Variants in CCDC102B observed in about 807,000 individuals in gnomAD.
CCDC102B encodes coiled-coil domain-containing protein 102B.
CCDC102B carries 75 observed loss-of-function variants against 57.4 expected under a neutral mutation model. The ratio of observed to expected loss-of-function variants is 1.31; its 90% CI spans 1.08 to 1.58. The LOEUF (loss-of-function observed/expected upper bound fraction) is 1.58, where lower values mean the gene tolerates loss of function less well. Ranked by LOEUF, CCDC102B falls within the 40% of genes most tolerant of loss-of-function variation. The pLI is 0.00. For missense variants in CCDC102B, 636 were observed against 582.6 expected, an observed-to-expected ratio of 1.09 and a Z score of -0.94; for synonymous variants, 206 against 201.9, an observed-to-expected ratio of 1.02 and a Z score of -0.17.
intron 6 of CCDC102B, among the ~76,000 whole-genome samples, chr18:69,003,971 T>C (rs891869742): frequency 6.6e-6 from 1 of 152,186 alleles, no homozygotes; most frequent in African/African-American, 2.4e-5. Flanking sequence ...TCTTTTAGGC[T>C]TCTAATTATA....
chr18:69,031,234 ATTGTAGTCC>A (rs962092790), intron 7 of CCDC102B, among the ~76,000 whole-genome samples: 3 of 152,148 alleles, frequency 2.0e-5, no homozygotes, highest in African/African-American at 7.2e-5. Flanking sequence ...TCTTCTGAGC[ATTGTAGTCC>A]TTTTTAGTGA....
At chr18:68,796,081 T>G (rs1427227222), upstream of CCDC102B, among the ~76,000 whole-genome samples, 1 of 152,128 alleles carries the variant, frequency 6.6e-6, no homozygotes, top group Admixed American at 6.6e-5. Flanking sequence ...GGACTTCAAG[T>G]GCATAAGTAC....
chr18:68,826,508 T>TA, intron 1 of CCDC102B, among the ~76,000 whole-genome samples: 1 of 152,314 alleles, frequency 6.6e-6, no homozygotes, highest in Middle Eastern at 3.4e-3. Context: ...AGTCGCATCT[T>TA]ACCACTTTTA....
At chr18:68,910,930 A>AAAAAAC (rs1313530569) in intron 6 of CCDC102B, among the ~76,000 whole-genome samples, 5 of 151,822 alleles carry the variant, frequency 3.3e-5, no homozygotes, top group African/African-American at 1.2e-4. Flanking sequence ...GGGGAAAAAA[A>AAAAAAC]AAAAACAGAT....
chr18:68,788,948 G>C (rs958644716), intron 2 of CCDC102B, among the ~76,000 whole-genome samples: 24 of 152,334 alleles, frequency 1.6e-4, no homozygotes, highest in African/African-American at 5.5e-4. Flanking sequence ...ATTTTGGCAT[G>C]ATTTTGCAGC....
At chr18:68,949,899 A>G (rs919077461) in intron 6 of CCDC102B, among the ~76,000 whole-genome samples, 2 of 152,186 alleles carry the variant, frequency 1.3e-5, no homozygotes, top group African/African-American at 4.8e-5. Flanking sequence ...CATGTTTTAT[A>G]TTAAATACTA....
chr18:68,833,283 C>T (rs1260088418), intron 1 of CCDC102B, among the ~76,000 whole-genome samples: 1 of 151,812 alleles, frequency 6.6e-6, no homozygotes, highest in Non-Finnish European at 1.5e-5. Flanking sequence ...ATAGTACTGA[C>T]TATTCCACTG....
At chr18:68,880,453 G>A (rs1209037906) in intron 5 of CCDC102B, among the ~76,000 whole-genome samples, 2 of 152,346 alleles carry the variant, frequency 1.3e-5, no homozygotes, top group Admixed American at 1.3e-4. Context: ...ACAGTGCAGC[G>A]GTGGGCTGAA....
chr18:68,769,076 A>G (rs968201865), intron 2 of CCDC102B, among the ~76,000 whole-genome samples: 2 of 152,058 alleles, frequency 1.3e-5, no homozygotes, highest in Admixed American at 6.6e-5. Flanking sequence ...CAACATGGAG[A>G]AACCCCATCT....
chr18:69,033,847 TA>T (rs1042775882), intron 7 of CCDC102B, among the ~76,000 whole-genome samples: 10 of 152,100 alleles, frequency 6.6e-5, no homozygotes, highest in Non-Finnish European at 1.5e-5. Flanking sequence ...TTCACATTCT[TA>T]CCAAAATTTG....
At chr18:68,749,407 A>T (rs1046482768) in intron 2 of CCDC102B, among the ~76,000 whole-genome samples, 1 of 152,150 alleles carries the variant, frequency 6.6e-6, no homozygotes, top group African/African-American at 2.4e-5. Context: ...CCTATCCATG[A>T]GCATGGAATG....
intron 2 of CCDC102B, among the ~76,000 whole-genome samples, chr18:68,740,720 C>T (rs1050960783): frequency 6.6e-6 from 1 of 152,132 alleles, no homozygotes; most frequent in African/African-American, 2.4e-5. Context: ...TCTACAACTG[C>T]CTCAAGCCTT....
chr18:68,818,393 C>A (rs376463503), intron 1 of CCDC102B, among the ~76,000 whole-genome samples: 46 of 152,288 alleles, frequency 3.0e-4, no homozygotes, highest in African/African-American at 1.1e-3. Context: ...AAATGTTCAA[C>A]GTTGATGGCT....
Position 68,750,701 on chromosome 18 carries a change from A to G in CCDC102B, c.-67+34107A>G, listed in dbSNP as rs143731006. On this transcript the variant is annotated intron_variant, in intron 2 of 3. Coordinates refer to the CCDC102B transcript ENST00000578970. The stretch of plus-strand genomic sequence containing the variant: ...TTCTCAGCAAACTATCACAAGGACA[A>G]AAAAACCGAACACCACATGTTCTCA... Among the ~76,000 whole-genome samples, 269 of 151,598 alleles carry G rather than the reference A, an allele frequency of 1.8e-3. 1 individual carries two copies. The highest frequency in any genetic ancestry group is 6.2e-3 in the African/African-American group (257 of 41,368).
At chr18:69,040,468 G>A (rs1374519685) in intron 7 of CCDC102B, among the ~76,000 whole-genome samples, 1 of 150,872 alleles carries the variant, frequency 6.6e-6, no homozygotes, top group Non-Finnish European at 1.5e-5. Context: ...TTGACTCTGT[G>A]GCTAAGGTTT....
chr18:68,925,753 G>C (rs1169487593), intron 6 of CCDC102B, among the ~76,000 whole-genome samples: 1 of 151,960 alleles, frequency 6.6e-6, no homozygotes, highest in East Asian at 1.9e-4. Context: ...GAAGATATCA[G>C]CTGTTTTATA....
At chr18:68,945,388 T>C (rs1568345584) in intron 6 of CCDC102B, among the ~76,000 whole-genome samples, 1 of 152,092 alleles carries the variant, frequency 6.6e-6, no homozygotes, top group Non-Finnish European at 1.5e-5. Context: ...TATTGTCAAG[T>C]TCATATAAAA....
chr18:68,880,161 G>A (rs978083189), intron 5 of CCDC102B, among the ~76,000 whole-genome samples: 10 of 152,306 alleles, frequency 6.6e-5, no homozygotes, highest in Middle Eastern at 3.4e-3. Context: ...GCTAAGGCCC[G>A]GTGAGAAATC....
chr18:68,875,929 G>T (rs985625388), intron 5 of CCDC102B, among the ~76,000 whole-genome samples: 10 of 152,020 alleles, frequency 6.6e-5, no homozygotes, highest in Non-Finnish European at 1.2e-4. Context: ...GTCCTAAAAG[G>T]GGTGTTGGGG....
Sources: gnomAD v4.1 joint callset for allele counts (sites outside exome capture counted in the v4.1 genomes callset) on GRCh38, gnomAD v4.1.1 for gene constraint, MANE v1.5 for transcripts, NCBI Gene and HGNC (gene_info 2026-07-23, HGNC 2026-07-21) for gene names.